FAM135A: variants seen among roughly 807,000 people sequenced by gnomAD.
FAM135A encodes protein FAM135A.
A neutral mutation model predicts 146.8 loss-of-function variants in FAM135A; 79 were observed. The observed-to-expected ratio is 0.54, with a 90% CI of 0.45 to 0.65. FAM135A has a LOEUF of 0.65. FAM135A is among the 30% of genes least tolerant of loss of function. FAM135A has a pLI of 0.00. For synonymous variants in FAM135A, 562 were observed against 603.6 expected (o/e 0.93, Z 1.01); for missense variants, 1,623 against 1,758.2 (o/e 0.92, Z 1.38).
At chr6:70,430,061 G>A (rs1308888028) in intron 4 of FAM135A, among the ~76,000 whole-genome samples, 1 of 152,182 alleles carries the variant, frequency 6.6e-6, no homozygotes, top group Non-Finnish European at 1.5e-5. Flanking sequence ...AGAAGGCCGG[G>A]TGCGGTGGCT....
intron 21 of FAM135A, among the ~76,000 whole-genome samples, chr6:70,559,113 A>G (rs1801453347): frequency 6.6e-6 from 1 of 152,150 alleles, no homozygotes; most frequent in African/African-American, 2.4e-5. Context: ...AAAGAAAACT[A>G]TTTCTTTGTT....
chr6:70,418,704 A>C (rs1424740285), intron 2 of FAM135A, among the ~76,000 whole-genome samples: 15 of 152,232 alleles, frequency 9.9e-5, no homozygotes. Flanking sequence ...AAAGTTGGGC[A>C]GGAGGTCAGG....
rs137995638 is a variant in FAM135A at position 70,500,327 on chromosome 6, C to T, written c.874-2309C>T. ...AGTTCTCGTGTTGTTTTTTCAACTC[C>T]ATTGGGTCATTTATGTTCCTCTCTA... On this transcript the variant is annotated intron_variant, in intron 11 of 21. Transcript: ENST00000418814. Among the ~76,000 whole-genome samples, 195 of 152,224 alleles carry T rather than the reference C, an allele frequency of 1.3e-3. 1 individual carries two copies. The highest frequency in any genetic ancestry group is 4.4e-3 in the African/African-American group (182 of 41,536).
Position 70,452,480 on chromosome 6 carries a change from A to G in FAM135A, c.78-12A>G. The G allele has an allele frequency of 1.9e-6, 3 of 1,585,192 alleles. No individual in the cohort carries two copies. Among genetic ancestry groups the G allele is most frequent in the Non-Finnish European group, 2.6e-6 (3 of 1,166,966 alleles). ...ATGTTTTGAAATAACTTCCTTGTTT[A>G]TTTTGCTTTAGTTTTTACCAGATTC... is the stretch of plus-strand genomic sequence containing the variant. On this transcript the variant is annotated splice_polypyrimidine_tract_variant and intron_variant, in intron 4 of 21. Transcript: ENST00000418814.
intron 20 of FAM135A, among the ~76,000 whole-genome samples, chr6:70,549,612 T>TA (rs1051945464): frequency 6.6e-5 from 10 of 151,894 alleles, no homozygotes; most frequent in African/African-American, 1.7e-4. Context: ...GCATTATATC[T>TA]AAAAAAAAGT....
At position 70,463,596 on chromosome 6, in the gene FAM135A, G is replaced by C. The variant is rs76615134; in HGVS notation, c.157+11025G>C. Among the ~76,000 whole-genome samples, 16 of 151,886 alleles carry C rather than the reference G, an allele frequency of 1.1e-4. No homozygotes were observed. The East Asian group carries it at 2.5e-3, about 24-fold the overall frequency. On this transcript the variant is annotated intron_variant, in intron 5 of 21. Transcript: ENST00000418814. ...CTATGTACCTCTTTTAGCTTATGTTGTTATAATTTTTTCTCAGAAATGGGA... is the reference window on the plus strand; with the variant it reads ...CTATGTACCTCTTTTAGCTTATGTTCTTATAATTTTTTCTCAGAAATGGGA...
At chr6:70,441,831 C>T (rs192936344) in intron 4 of FAM135A, among the ~76,000 whole-genome samples, 70 of 151,912 alleles carry the variant, frequency 4.6e-4, no homozygotes, top group African/African-American at 1.6e-3. Context: ...ATTACAGGCG[C>T]CCACAACCAC....
At chr6:70,511,563 A>G (rs1205739987) in intron 12 of FAM135A, among the ~76,000 whole-genome samples, 2 of 148,804 alleles carry the variant, frequency 1.3e-5, no homozygotes, top group African/African-American at 2.4e-5. Flanking sequence ...ATATCAGGAT[A>G]TATTTGATTT....
At chr6:70,449,219 G>A (rs1014930633) in intron 4 of FAM135A, among the ~76,000 whole-genome samples, 25 of 152,050 alleles carry the variant, frequency 1.6e-4, no homozygotes, top group African/African-American at 4.6e-4. Flanking sequence ...GCTAATTAAC[G>A]TATTTATCAC....
chr6:70,561,057 G>A lies in FAM135A; in HGVS notation c.*1136G>A, dbSNP rs888461443. The A allele has an allele frequency of 3.9e-5, 6 of 152,496 alleles. No homozygotes were observed. Among genetic ancestry groups the A allele is most frequent in the African/African-American group, 1.4e-4 (6 of 41,422 alleles). 9.4% of individuals were successfully genotyped at this position (152,496 alleles called of 1,614,324 possible). On this transcript the variant is annotated 3_prime_UTR_variant, in exon 22 of 22. Transcript: ENST00000418814. Reference sequence around the variant, plus strand: ...AGTTCTGTTTGCACTCACTAATTGTGACAGACAGAGGTTTTTGTAAGTATT... The same window carrying A: ...AGTTCTGTTTGCACTCACTAATTGTAACAGACAGAGGTTTTTGTAAGTATT...
intron 14 of FAM135A, 57 bp downstream of exon 14, chr6:70,524,178 T>C: frequency 6.7e-7 from 1 of 1,485,474 alleles, no homozygotes. Flanking sequence ...AGTATATTCT[T>C]CCTAATATAC....
In FAM135A at chr6:70,524,407, A is replaced by C; in HGVS notation, c.1323A>C (p.Lys441Asn). 6.5e-7 allele frequency: 1 copy of C among 1,530,314 alleles called. No homozygotes were observed. The highest frequency in any genetic ancestry group is 8.8e-7 in the Non-Finnish European group (1 of 1,141,676). 94.8% of individuals were successfully genotyped at this position (1,530,314 alleles called of 1,614,324 possible). The change falls in exon 15 of 22, where the codon AAA becomes AAC. Residue 441 changes from lysine to asparagine, a missense_variant. Transcript: ENST00000418814. ...LQRSESSKMD[K>N]YETEESSVAG... ...GATCAGAGTCCAGTAAAATGGATAA[A>C]TATGAGACTGAAGAAAGCTCTGTAG...
chr6:70,517,844 G>C lies in FAM135A; in HGVS notation c.1030-4669G>C, dbSNP rs551773103. Among the ~76,000 whole-genome samples the C allele has an allele frequency of 7.2e-5, 11 of 152,254 alleles. No individual in the cohort carries two copies. The South Asian group carries it at 2.1e-3, about 29-fold the overall frequency. On this transcript the variant is annotated intron_variant, in intron 12 of 21. Coordinates refer to ENST00000418814, the MANE Select transcript of FAM135A (RefSeq NM_001162529.3). Reference sequence around the variant, plus strand: ...ATATATGACAGTGAACTTAATACATGTTGTGTTTGTTCTGACTGTTTCACC... The same window carrying C: ...ATATATGACAGTGAACTTAATACATCTTGTGTTTGTTCTGACTGTTTCACC...
intron 4 of FAM135A, among the ~76,000 whole-genome samples, chr6:70,446,291 G>T (rs1453985503): frequency 6.6e-6 from 1 of 152,028 alleles, no homozygotes; most frequent in Non-Finnish European, 1.5e-5. Context: ...ATCATTTGAG[G>T]TTGAGGTGCC....
chr6:70,443,359 T>C (rs1181970331), intron 4 of FAM135A, among the ~76,000 whole-genome samples: 1 of 152,214 alleles, frequency 6.6e-6, no homozygotes, highest in Non-Finnish European at 1.5e-5. Flanking sequence ...TTTTCTATGT[T>C]TAGATACACA....
chr6:70,532,900 C>G (rs1351356521), intron 16 of FAM135A, among the ~76,000 whole-genome samples: 2 of 151,880 alleles, frequency 1.3e-5, no homozygotes, highest in African/African-American at 4.8e-5. Context: ...CCACTGCACT[C>G]CAGCTTGGGC....
chr6:70,446,427 A>G (rs754147422), intron 4 of FAM135A, among the ~76,000 whole-genome samples: 19 of 152,142 alleles, frequency 1.2e-4, no homozygotes, highest in Non-Finnish European at 2.5e-4. Context: ...GAGAGGTGCA[A>G]TTCAAGCTAA....
At chr6:70,514,759 G>A (rs899251872) in intron 12 of FAM135A, among the ~76,000 whole-genome samples, 3 of 152,174 alleles carry the variant, frequency 2.0e-5, no homozygotes, top group Admixed American at 6.5e-5. Context: ...CTCCTGGCAG[G>A]GGTGAGGGAG....
At chr6:70,484,892 T>A (rs912432103) in intron 10 of FAM135A, among the ~76,000 whole-genome samples, 1 of 152,218 alleles carries the variant, frequency 6.6e-6, no homozygotes, top group Non-Finnish European at 1.5e-5. Context: ...CATAAGATTT[T>A]CAACTTTTTC....
Sources: allele counts gnomAD v4.1 joint callset (sites outside exome capture counted in the v4.1 genomes callset), GRCh38; gene constraint gnomAD v4.1.1; transcripts MANE v1.5; gene names NCBI Gene and HGNC (gene_info 2026-07-23, HGNC 2026-07-21).